XKR9: variants seen among roughly 807,000 people sequenced by gnomAD.
The protein encoded by XKR9 is XK related 9.
XKR9 carries 32 observed loss-of-function variants against 32.0 expected under a neutral mutation model. The observed-to-expected ratio is 1.00, with a 90% CI of 0.76 to 1.34. The LOEUF is 1.34. XKR9 is among the 40% of genes most tolerant of loss of function. XKR9 has a pLI of 0.00. For missense variants in XKR9, 546 were observed against 429.7 expected, an observed-to-expected ratio of 1.27 and a Z score of -2.39; for synonymous variants, 168 against 143.4, an observed-to-expected ratio of 1.17 and a Z score of -1.22.
the XKR9 span, among the ~76,000 whole-genome samples, chr8:70,911,045 C>T: frequency 6.6e-6 from 1 of 152,216 alleles, no homozygotes; most frequent in South Asian, 2.1e-4. Flanking sequence ...CATGTGATTA[C>T]ATTGGGCACA....
the XKR9 span, among the ~76,000 whole-genome samples, chr8:71,048,538 G>A: frequency 6.6e-6 from 1 of 152,100 alleles, no homozygotes; most frequent in South Asian, 2.1e-4. Flanking sequence ...TAGTTATGAG[G>A]CATTTGATAA....
chr8:70,693,043 G>A, intron 3 of XKR9, among the ~76,000 whole-genome samples: 1 of 152,082 alleles, frequency 6.6e-6, no homozygotes, highest in Non-Finnish European at 1.5e-5. Flanking sequence ...ACATTTATTG[G>A]TTTTCATATG....
At chr8:70,989,116 A>G in the XKR9 span, among the ~76,000 whole-genome samples, 15,417 of 152,212 alleles carry the variant, frequency 0.1, 855 homozygotes, top group Middle Eastern at 0.14. Flanking sequence ...TAAGCCTGCA[A>G]TGGATGAACA....
chr8:71,024,211 T>C, the XKR9 span, among the ~76,000 whole-genome samples: 65,813 of 152,006 alleles, frequency 0.43, 15,305 homozygotes, highest in Non-Finnish European at 0.53. Flanking sequence ...GTTCAGCTGC[T>C]GGTGGGAGCA....
At chr8:70,751,827 A>T (rs1302917826) in intron 2 of XKR9, among the ~76,000 whole-genome samples, 1 of 152,058 alleles carries the variant, frequency 6.6e-6, no homozygotes, top group Non-Finnish European at 1.5e-5. Flanking sequence ...TTGTTCTCAC[A>T]CCTTTGAACT....
chr8:70,948,388 C>T, the XKR9 span, among the ~76,000 whole-genome samples: 1 of 152,054 alleles, frequency 6.6e-6, no homozygotes, highest in Non-Finnish European at 1.5e-5. Context: ...TAATTTTAAT[C>T]CGATACCAAG....
At chr8:71,021,533 C>T in the XKR9 span, among the ~76,000 whole-genome samples, 9 of 112,542 alleles carry the variant, frequency 8.0e-5, 2 homozygotes, top group Middle Eastern at 8.6e-3. Flanking sequence ...GACGGAGTTT[C>T]GCTCTGTCGC....
chr8:71,036,057 G>C, the XKR9 span, among the ~76,000 whole-genome samples: 1 of 152,048 alleles, frequency 6.6e-6, no homozygotes, highest in Non-Finnish European at 1.5e-5. Context: ...TCAAACCAAA[G>C]CATAAAATAT....
At chr8:70,828,804 A>G in the XKR9 span, among the ~76,000 whole-genome samples, 2 of 152,016 alleles carry the variant, frequency 1.3e-5, no homozygotes, top group Non-Finnish European at 1.5e-5. Context: ...ACAAACATGA[A>G]GGTTAAGTTA....
chr8:70,911,569 A>G, the XKR9 span, among the ~76,000 whole-genome samples: 1 of 152,240 alleles, frequency 6.6e-6, no homozygotes, highest in African/African-American at 2.4e-5. Flanking sequence ...TCTAGCACTT[A>G]TCACGTGTCA....
intron 2 of XKR9, among the ~76,000 whole-genome samples, chr8:70,677,798 A>G (rs1197846419): frequency 6.6e-6 from 1 of 152,218 alleles, no homozygotes; most frequent in African/African-American, 2.4e-5. Context: ...TGAGGATTAA[A>G]TGAAATAATT....
intron 2 of XKR9, among the ~76,000 whole-genome samples, chr8:70,746,546 A>G (rs1355364209): frequency 6.6e-6 from 1 of 151,026 alleles, no homozygotes; most frequent in East Asian, 1.9e-4. Context: ...TTTTAGATAT[A>G]TTGCTTTGAT....
the XKR9 span, among the ~76,000 whole-genome samples, chr8:71,034,506 A>G: frequency 6.6e-6 from 1 of 152,156 alleles, no homozygotes. Context: ...TGCCACTTCC[A>G]CCTGTTTGCT....
the XKR9 span, among the ~76,000 whole-genome samples, chr8:70,975,760 T>C: frequency 6.6e-6 from 1 of 152,186 alleles, no homozygotes; most frequent in South Asian, 2.1e-4. Context: ...TTAAAGTAGT[T>C]TTTTCCAATT....
the XKR9 span, among the ~76,000 whole-genome samples, chr8:70,824,180 G>T: frequency 6.6e-6 from 1 of 152,046 alleles, no homozygotes; most frequent in Non-Finnish European, 1.5e-5. Context: ...TTCAGCCATT[G>T]TGTATTTTAG....
At chr8:70,755,434 AT>A (rs1287624937) in intron 2 of XKR9, among the ~76,000 whole-genome samples, 1 of 152,180 alleles carries the variant, frequency 6.6e-6, no homozygotes, top group African/African-American at 2.4e-5. Flanking sequence ...ACTATAAATC[AT>A]GCTGTTATAA....
chr8:70,909,949 C>T, the XKR9 span, among the ~76,000 whole-genome samples: 4 of 152,146 alleles, frequency 2.6e-5, no homozygotes, highest in South Asian at 6.2e-4. Context: ...CTCAAGTCAT[C>T]TACCTGCCTT....
At chr8:70,760,205 T>C (rs780377915) in intron 2 of XKR9, among the ~76,000 whole-genome samples, 2 of 152,206 alleles carry the variant, frequency 1.3e-5, no homozygotes, top group Non-Finnish European at 2.9e-5. Flanking sequence ...TTCAGTTTAC[T>C]CGTAAGTAAG....
the XKR9 span, among the ~76,000 whole-genome samples, chr8:70,900,625 G>GTAAATAA: frequency 2.1e-5 from 3 of 143,058 alleles, no homozygotes; most frequent in African/African-American, 7.8e-5. Context: ...TAAATAAATA[G>GTAAATAA]GAACTCCAAT....
Sources: gnomAD v4.1 joint callset for allele counts (sites outside exome capture counted in the v4.1 genomes callset) on GRCh38, gnomAD v4.1.1 for gene constraint, MANE v1.5 for transcripts, NCBI Gene and HGNC (gene_info 2026-07-23, HGNC 2026-07-21) for gene names.